Variants in PPP1CB observed in about 807,000 individuals in gnomAD.
The protein encoded by PPP1CB is serine/threonine-protein phosphatase PP1-beta catalytic subunit.
A neutral mutation model predicts 43.7 loss-of-function variants in PPP1CB; 2 were observed. The ratio of observed to expected loss-of-function variants is 0.05; its 90% CI spans 0.02 to 0.14. The LOEUF is 0.14. Among genes scored for constraint, PPP1CB ranks in the 10% least tolerant of loss-of-function variants. The pLI is 1.00. For missense variants in PPP1CB, 84 were observed against 398.0 expected (o/e 0.21, Z 6.71); for synonymous variants, 136 against 135.6 (o/e 1.00, Z -0.02).
intron 7 of PPP1CB, among the ~76,000 whole-genome samples, chr2:28,795,559 GTGA>G (rs1667482090): frequency 2.6e-5 from 4 of 152,102 alleles, no homozygotes; most frequent in Admixed American, 6.6e-5. Flanking sequence ...TACATTAATA[GTGA>G]TGATGAGCAT....
intron 1 of PPP1CB, among the ~76,000 whole-genome samples, chr2:28,759,839 G>A (rs1666599359): frequency 6.6e-6 from 1 of 152,002 alleles, no homozygotes; most frequent in African/African-American, 2.4e-5. Flanking sequence ...GGATGGTATT[G>A]ATCTCCCGAC....
chr2:28,769,543 T>G (rs1294459344), intron 1 of PPP1CB, among the ~76,000 whole-genome samples: 1 of 152,162 alleles, frequency 6.6e-6, no homozygotes, highest in East Asian at 1.9e-4. Context: ...ATGCTGACAC[T>G]AGAGAATATT....
chr2:28,790,528 C>T (rs1200999278), intron 6 of PPP1CB, among the ~76,000 whole-genome samples: 7 of 151,900 alleles, frequency 4.6e-5, no homozygotes, highest in African/African-American at 9.7e-5. Context: ...TTAGTAGAGA[C>T]GGGGTTTCAC....
intron 1 of PPP1CB, among the ~76,000 whole-genome samples, chr2:28,754,777 C>T (rs958852584): frequency 2.6e-5 from 4 of 152,120 alleles, no homozygotes; most frequent in Admixed American, 1.3e-4. Flanking sequence ...TGTAAAGCTG[C>T]CTAGCAAGAA....
chr2:28,797,533 A>T (rs1667521054), intron 7 of PPP1CB, among the ~76,000 whole-genome samples: 1 of 151,872 alleles, frequency 6.6e-6, no homozygotes, highest in Admixed American at 6.6e-5. Context: ...TTCATTTCTT[A>T]GGAGGTCATG....
intron 1 of PPP1CB, among the ~76,000 whole-genome samples, chr2:28,766,093 A>G (rs1393134705): frequency 1.3e-5 from 2 of 152,160 alleles, no homozygotes; most frequent in African/African-American, 4.8e-5. Context: ...TCGAATTAAA[A>G]GGGGAAAAAT....
intron 1 of PPP1CB, among the ~76,000 whole-genome samples, chr2:28,776,156 T>C (rs913701681): frequency 6.6e-6 from 1 of 151,846 alleles, no homozygotes; most frequent in East Asian, 1.9e-4. Flanking sequence ...TGAGGCTGTT[T>C]TGACATCCTA....
chr2:28,769,568 G>A (rs890402347), intron 1 of PPP1CB, among the ~76,000 whole-genome samples: 1 of 152,218 alleles, frequency 6.6e-6, no homozygotes, highest in Non-Finnish European at 1.5e-5. Flanking sequence ...CAAGTTCTTT[G>A]TGTTGCAAGA....
At chr2:28,781,190 T>C (rs898932994) in intron 3 of PPP1CB, among the ~76,000 whole-genome samples, 1 of 152,170 alleles carries the variant, frequency 6.6e-6, no homozygotes, top group African/African-American at 2.4e-5. Context: ...CTTTGGGATT[T>C]TTTAAGTGTT....
At chr2:28,761,340 A>C (rs1440830485) in intron 1 of PPP1CB, among the ~76,000 whole-genome samples, 1 of 152,176 alleles carries the variant, frequency 6.6e-6, no homozygotes, top group East Asian at 1.9e-4. Flanking sequence ...TCAGATGTTT[A>C]CTCAGTTAAG....
At chr2:28,790,276 A>T (rs1012214019) in intron 6 of PPP1CB, among the ~76,000 whole-genome samples, 7 of 152,142 alleles carry the variant, frequency 4.6e-5, no homozygotes, top group African/African-American at 1.7e-4. Flanking sequence ...TGTGAAACTC[A>T]GTCTCAAAAA....
intron 7 of PPP1CB, among the ~76,000 whole-genome samples, chr2:28,798,842 A>G (rs1667549482): frequency 6.6e-6 from 1 of 152,090 alleles, no homozygotes; most frequent in African/African-American, 2.4e-5. Context: ...TGTGACTTGT[A>G]GGTTAGTTAC....
rs561731887 is a variant in PPP1CB, at chr2:28,759,484, C to T, written c.52+7308C>T. 3.5e-3 allele frequency among the ~76,000 whole-genome samples: 472 copies of T among 135,262 alleles called. 2 individuals are homozygous for T. The highest frequency in any genetic ancestry group is 0.012 in the African/African-American group (434 of 36,142). The allele number at this position is 135,262 out of a possible 152,430, so 88.7% of individuals were successfully genotyped here. On this transcript the variant is annotated intron_variant, in intron 1 of 7. Coordinates refer to ENST00000395366, the MANE Select transcript of PPP1CB (RefSeq NM_002709.3). ...GCAGTGAGCAAAGATTGCACCACTG[C>T]TCTCCAGCCTGGGCGAAAGAGTGAG...
At chr2:28,785,364 A>T (rs748177780) in intron 5 of PPP1CB, among the ~76,000 whole-genome samples, 3 of 151,778 alleles carry the variant, frequency 2.0e-5, no homozygotes, top group Admixed American at 6.6e-5. Context: ...GTGAGCCACC[A>T]CACCTGGCCT....
At chr2:28,793,020 A>G (rs1667419400) in intron 6 of PPP1CB, among the ~76,000 whole-genome samples, 1 of 152,182 alleles carries the variant, frequency 6.6e-6, no homozygotes. Flanking sequence ...AGCCTGGCCA[A>G]CATGACAAAA....
At chr2:28,772,569 A>G (rs1048400728) in intron 1 of PPP1CB, among the ~76,000 whole-genome samples, 7 of 152,218 alleles carry the variant, frequency 4.6e-5, no homozygotes, top group African/African-American at 1.7e-4. Flanking sequence ...AAATATGCCC[A>G]TGGATATTCA....
chr2:28,763,589 A>G (rs1056532469), intron 1 of PPP1CB, among the ~76,000 whole-genome samples: 1 of 152,174 alleles, frequency 6.6e-6, no homozygotes, highest in African/African-American at 2.4e-5. Flanking sequence ...TGCTTTGTGA[A>G]TTCATGAAAG....
intron 1 of PPP1CB, among the ~76,000 whole-genome samples, chr2:28,765,507 C>T (rs1393907185): frequency 3.9e-5 from 6 of 152,028 alleles, no homozygotes; most frequent in Non-Finnish European, 7.4e-5. Flanking sequence ...ATTTTTTTTG[C>T]GCTTGAGTCA....
intron 1 of PPP1CB, among the ~76,000 whole-genome samples, chr2:28,755,102 G>A (rs560977828): frequency 6.6e-6 from 1 of 152,194 alleles, no homozygotes; most frequent in Admixed American, 6.5e-5. Flanking sequence ...AGGCTGGAGT[G>A]CGGTGGGGTG....
Sources: gnomAD v4.1 joint callset for allele counts (sites outside exome capture counted in the v4.1 genomes callset) on GRCh38, gnomAD v4.1.1 for gene constraint, MANE v1.5 for transcripts, NCBI Gene and HGNC (gene_info 2026-07-23, HGNC 2026-07-21) for gene names.